Variants in NUTM1 observed in about 807,000 individuals in gnomAD.
NUTM1 encodes NUT midline carcinoma family member 1.
In NUTM1, 39 loss-of-function variants were observed where a neutral mutation model predicts 88.7. The ratio of observed to expected loss-of-function variants is 0.44; its 90% CI spans 0.34 to 0.57. NUTM1 has a LOEUF of 0.57. Among genes scored for constraint, NUTM1 ranks in the 20% least tolerant of loss-of-function variants. The pLI is 0.01. For missense variants in NUTM1, 1,350 were observed against 1,414.5 expected, an observed-to-expected ratio of 0.95 and a Z score of 0.73; for synonymous variants, 494 against 538.0, an observed-to-expected ratio of 0.92 and a Z score of 1.13.
At chr15:34,344,157 G>C (rs1890538739) in intron 1 of NUTM1, among the ~76,000 whole-genome samples, 1 of 151,246 alleles carries the variant, frequency 6.6e-6, no homozygotes, top group Admixed American at 6.6e-5. Context: ...GGGAGGCAGA[G>C]GTTGCAGCGA....
intron 2 of NUTM1, 148 bp downstream of exon 2, chr15:34,346,183 A>G: frequency 1.3e-6 from 1 of 794,726 alleles, no homozygotes; most frequent in Non-Finnish European, 2.1e-6. Context: ...TTGTACCTTT[A>G]AGACTAGGGG....
rs1890637854 is a variant in NUTM1, at chr15:34,348,193, A to G, written c.325A>G (p.Ser109Gly). ...LVTGDGGPCL[S>G]GAGAGKVIVK... Reference sequence around the variant, plus strand: ...GACAGGGGATGGGGGCCCTTGCCTCAGTGGGGCTGGGGCTGGCAAGGTCAT... The same window carrying G: ...GACAGGGGATGGGGGCCCTTGCCTCGGTGGGGCTGGGGCTGGCAAGGTCAT... The change falls in exon 3 of 8, where the codon AGT (serine) becomes GGT (glycine). Residue 109 changes from serine (S) to glycine (G), a missense_variant. Physicochemically the swap from Ser to Gly is moderately conservative, Grantham distance 56. Transcript: ENST00000537011. The G allele has an allele frequency of 6.2e-7, 1 of 1,614,080 alleles. No homozygotes were observed. Among genetic ancestry groups the G allele is most frequent in the South Asian group, 1.1e-5 (1 of 91,084 alleles).
Position 34,348,284 on chromosome 15 carries a change from AGACTGCCCTCAATTC to A in NUTM1, c.425_439del (p.Leu142_Ala146del). On this transcript the variant is annotated inframe_deletion, in exon 3 of 8. Coordinates refer to ENST00000537011, the MANE Select transcript of NUTM1 (RefSeq NM_001284292.2). Reference sequence around the variant, plus strand: ...CAAACTCAGAACTTTATCCTTACTCAGACTGCCCTCAATTCGACTGCCCCGGGCACTCCCTGTGGA... The same window carrying A: ...CAAACTCAGAACTTTATCCTTACTCAGACTGCCCCGGGCACTCCCTGTGGA... The A allele has an allele frequency of 6.2e-7, 1 of 1,614,208 alleles. No homozygotes were observed. Among genetic ancestry groups the A allele is most frequent in the East Asian group, 2.2e-5 (1 of 44,884 alleles).
chr15:34,346,747 G>A (rs1267625605), intron 2 of NUTM1, among the ~76,000 whole-genome samples: 2 of 147,410 alleles, frequency 1.4e-5, no homozygotes, highest in Non-Finnish European at 3.0e-5. Flanking sequence ...GCTGGATGTG[G>A]TGGTTCGTGC....
At chr15:34,352,221 C>T (rs994604419) in intron 4 of NUTM1, among the ~76,000 whole-genome samples, 1 of 152,152 alleles carries the variant, frequency 6.6e-6, no homozygotes. Flanking sequence ...CAGATTCTTC[C>T]AAGCTTAGCT....
intron 2 of NUTM1, among the ~76,000 whole-genome samples, chr15:34,346,921 G>T (rs1473272392): frequency 7.6e-6 from 1 of 131,526 alleles, no homozygotes; most frequent in Admixed American, 8.3e-5. Flanking sequence ...GCACTTAGAG[G>T]CAGTGATGGC....
rs1361013580 is a variant in NUTM1 at position 34,350,753 on chromosome 15, G to A, written c.859G>A (p.Glu287Lys). ...ARLKPTMTLEEGLPLAVQEWE... is the reference protein window; with the variant it reads ...ARLKPTMTLEKGLPLAVQEWE... ...GCTGAAGCCCACTATGACCCTGGAG[G>A]AGGGACTGCCATTGGCTGTGCAGGA... is the stretch of plus-strand genomic sequence containing the variant. The change falls in exon 4 of 8, where the codon GAG (glutamate) becomes AAG (lysine). Residue 287 changes from glutamate (E) to lysine (K), a missense_variant. Glu to Lys is a moderately conservative substitution (Grantham distance 56). This residue lies in a region of NUTM1 where 399 missense variants were observed against 397.9 expected (regional missense o/e 1.00). Transcript: ENST00000537011. The A allele has an allele frequency of 1.2e-6, 2 of 1,613,860 alleles. No homozygotes were observed. Among genetic ancestry groups the A allele is most frequent in the African/African-American group, 1.3e-5 (1 of 74,928 alleles).
chr15:34,356,739 G>C lies in NUTM1; in HGVS notation c.2731G>C (p.Glu911Gln), dbSNP rs1189660247. 1 of 1,613,186 alleles carries C rather than the reference G, an allele frequency of 6.2e-7. No homozygotes were observed. Among genetic ancestry groups the C allele is most frequent in the Non-Finnish European group, 8.5e-7 (1 of 1,179,832 alleles). ...CTCCTCCTTGCCTGAAGCCAGTCAAGAGGCAGGGAGCAGAGGCAATTCCTT... is the reference window on the plus strand; with the variant it reads ...CTCCTCCTTGCCTGAAGCCAGTCAACAGGCAGGGAGCAGAGGCAATTCCTT... ...DASSLPEASQ[E>Q]AGSRGNSFSP... Residue 911 changes from glutamate (E) to glutamine (Q), a missense_variant, in exon 8 of 8, where the codon GAG (glutamate) becomes CAG (glutamine). Around this residue, in one of 5 missense-constraint regions of NUTM1, gnomAD observed 730 missense variants for 728.8 expected, o/e 1.00. Coordinates refer to ENST00000537011, the MANE Select transcript of NUTM1 (RefSeq NM_001284292.2).
intron 2 of NUTM1, 79 bp from the exon 3 acceptor site, chr15:34,347,883 TAAAAATA>T (rs1890626916): frequency 9.1e-6 from 6 of 659,876 alleles, no homozygotes; most frequent in Non-Finnish European, 1.2e-5. Context: ...AAAATAAAAA[TAAAAATA>T]AAAAAATGGG....
intron 1 of NUTM1, among the ~76,000 whole-genome samples, chr15:34,344,728 T>A (rs897660386): frequency 6.6e-6 from 1 of 152,018 alleles, no homozygotes; most frequent in East Asian, 1.9e-4. Flanking sequence ...TGTTAAAAAT[T>A]TTTTAAAGGC....
intron 3 of NUTM1, among the ~76,000 whole-genome samples, chr15:34,350,302 T>A (rs1347511668): frequency 6.6e-6 from 1 of 152,218 alleles, no homozygotes; most frequent in Admixed American, 6.5e-5. Flanking sequence ...GGTTAGCAAA[T>A]GCCTTTAAAG....
intron 4 of NUTM1, among the ~76,000 whole-genome samples, chr15:34,351,821 G>A (rs1890714517): frequency 6.6e-6 from 1 of 150,424 alleles, no homozygotes; most frequent in African/African-American, 2.5e-5. Flanking sequence ...TGTCCTGGAT[G>A]CCCAAAGTTG....
At chr15:34,354,994 T>TA in intron 6 of NUTM1, 27 bp from the exon 7 acceptor site, 1 of 1,537,852 alleles carries the variant, frequency 6.5e-7, no homozygotes, top group Non-Finnish European at 9.0e-7. Context: ...CTTACAGACT[T>TA]ACATCGCTTT....
chr15:34,353,837 T>C lies in NUTM1; in HGVS notation c.1040T>C (p.Leu347Pro). ...GCAACCCCTTTGAAACTTGATCCTC[T>C]AGGGCCCCTGGCCTCTGAGGTTTGC... Reference protein sequence around the residue: ...SPATPLKLDPLGPLASEVCQQ... With the variant: ...SPATPLKLDPPGPLASEVCQQ... The change falls in exon 5 of 8, where the codon CTA becomes CCA. Residue 347 changes from leucine (L) to proline (P), a missense_variant. Coordinates refer to ENST00000537011, the MANE Select transcript of NUTM1 (RefSeq NM_001284292.2). 1 of 1,613,934 alleles carries C rather than the reference T, an allele frequency of 6.2e-7. No homozygotes were observed. Among genetic ancestry groups the C allele is most frequent in the Non-Finnish European group, 8.5e-7 (1 of 1,180,026 alleles).
At chr15:34,354,300 G>A (rs750284765) in intron 5 of NUTM1, 146 bp from the exon 6 acceptor site, 34 of 931,338 alleles carry the variant, frequency 3.7e-5, no homozygotes, top group Non-Finnish European at 5.4e-5. Flanking sequence ...AGATTGCTGA[G>A]CTTACAGAGC....
chr15:34,350,963 A>C (rs1890695490), intron 4 of NUTM1, 131 bp downstream of exon 4: 1 of 1,164,804 alleles, frequency 8.6e-7, no homozygotes, highest in Admixed American at 2.5e-5. Flanking sequence ...TCACGCCTGT[A>C]ATCCCACCAC....
chr15:34,354,010 C>A, intron 5 of NUTM1, 138 bp downstream of exon 5: 1 of 942,368 alleles, frequency 1.1e-6, no homozygotes, highest in Non-Finnish European at 1.6e-6. Context: ...ATATTCCAAA[C>A]AGACCACCCC....
chr15:34,353,369 A>C (rs1890743344), intron 4 of NUTM1, among the ~76,000 whole-genome samples: 1 of 151,228 alleles, frequency 6.6e-6, no homozygotes, highest in African/African-American at 2.4e-5. Context: ...TTTTTTTGGT[A>C]TCTTTTGTAG....
At chr15:34,351,381 C>CAAA (rs541718460) in intron 4 of NUTM1, among the ~76,000 whole-genome samples, 1 of 80,978 alleles carries the variant, frequency 1.2e-5, no homozygotes. Context: ...GACCTCATCA[C>CAAA]AAAAAAAAAA....
Sources: allele counts gnomAD v4.1 joint callset (sites outside exome capture counted in the v4.1 genomes callset), GRCh38; gene constraint gnomAD v4.1.1; regional missense constraint gnomAD v4.1.1; transcripts MANE v1.5; gene names NCBI Gene and HGNC (gene_info 2026-07-23, HGNC 2026-07-21).